LIN28B: variants seen among roughly 807,000 people sequenced by gnomAD.
LIN28B encodes protein lin-28 homolog B.
Under a neutral mutation model 21.9 loss-of-function variants are expected in LIN28B, and 5 were observed. The observed-to-expected ratio is 0.23, with a 90% CI of 0.12 to 0.48. The LOEUF is 0.48. Ranked by LOEUF, LIN28B falls within the 20% of genes least tolerant of loss-of-function variation. The pLI is 0.98. For missense variants in LIN28B, 245 were observed against 310.5 expected (o/e 0.79, Z 1.58); for synonymous variants, 109 against 111.3 (o/e 0.98, Z 0.13).
chr6:104,961,440 A>T (rs1325517445), intron 2 of LIN28B, among the ~76,000 whole-genome samples: 1 of 151,942 alleles, frequency 6.6e-6, no homozygotes, highest in East Asian at 1.9e-4. Context: ...TCACACTGTC[A>T]CCCGGGCTGG....
At chr6:104,989,576 G>GTT (rs34394074) in intron 2 of LIN28B, among the ~76,000 whole-genome samples, 3,268 of 59,894 alleles carry the variant, frequency 0.055, 66 homozygotes, top group East Asian at 0.12. Flanking sequence ...TTTTACTTGG[G>GTT]TTTTTTTTTT....
chr6:105,003,259 G>A (rs1205926280), intron 2 of LIN28B, among the ~76,000 whole-genome samples: 1 of 152,206 alleles, frequency 6.6e-6, no homozygotes, highest in African/African-American at 2.4e-5. Flanking sequence ...TAGAGGCCCA[G>A]ATACCAACGG....
chr6:104,939,184 C>G (rs1231255980), intron 2 of LIN28B: 1 of 152,136 alleles, frequency 6.6e-6, no homozygotes, highest in African/African-American at 2.4e-5. Context: ...TTTTTCATTT[C>G]TAGTAATCAA....
chr6:104,965,810 A>G (rs952988521), intron 2 of LIN28B, among the ~76,000 whole-genome samples: 1 of 152,248 alleles, frequency 6.6e-6, no homozygotes, highest in Non-Finnish European at 1.5e-5. Flanking sequence ...TTACCTGTGT[A>G]CATATGCATG....
intron 2 of LIN28B, among the ~76,000 whole-genome samples, chr6:105,006,460 C>T (rs1057132274): frequency 7.2e-5 from 11 of 152,162 alleles, no homozygotes; most frequent in African/African-American, 1.2e-4. Flanking sequence ...TACAGGCACC[C>T]GCCACCACGC....
At chr6:104,987,795 A>C (rs1328830191) in intron 2 of LIN28B, among the ~76,000 whole-genome samples, 1 of 151,944 alleles carries the variant, frequency 6.6e-6, no homozygotes, top group Non-Finnish European at 1.5e-5. Context: ...CCCAGGGTGG[A>C]GTGCAATGGT....
intron 2 of LIN28B, among the ~76,000 whole-genome samples, chr6:104,983,149 T>A (rs1202237309): frequency 2.6e-5 from 4 of 152,310 alleles, no homozygotes; most frequent in African/African-American, 9.6e-5. Flanking sequence ...ACATAAATAA[T>A]ATTCAAGGCA....
At chr6:105,022,202 G>A (rs1004883646) in intron 2 of LIN28B, among the ~76,000 whole-genome samples, 5 of 152,132 alleles carry the variant, frequency 3.3e-5, no homozygotes, top group Non-Finnish European at 5.9e-5. Flanking sequence ...CAGTTGTGAT[G>A]CTGAGATGCC....
At chr6:104,962,465 A>G (rs768413342) in intron 2 of LIN28B, among the ~76,000 whole-genome samples, 12 of 152,030 alleles carry the variant, frequency 7.9e-5, no homozygotes, top group Non-Finnish European at 1.8e-4. Context: ...GGCTTTATAT[A>G]TTTTATGTTC....
intron 2 of LIN28B, among the ~76,000 whole-genome samples, chr6:104,945,692 T>A (rs1397710291): frequency 6.6e-6 from 1 of 152,114 alleles, no homozygotes; most frequent in Non-Finnish European, 1.5e-5. Context: ...GGCTGTGAGC[T>A]CGATTACATA....
intron 2 of LIN28B, among the ~76,000 whole-genome samples, chr6:105,019,852 A>T (rs1771100156): frequency 1.3e-5 from 2 of 152,118 alleles, no homozygotes; most frequent in African/African-American, 4.8e-5. Flanking sequence ...GAGTAACGTG[A>T]AGCACCTCAC....
chr6:105,002,808 T>A lies in LIN28B; in HGVS notation c.199-23490T>A, dbSNP rs563332637. On this transcript the variant is annotated intron_variant, in intron 2 of 3. Transcript: ENST00000345080. ...GACAGTATATTACAGTGAGAATAGA[T>A]TTGCAAGTTAGCTGACTTTAGTAGA... 3.3e-5 allele frequency among the ~76,000 whole-genome samples: 5 copies of A among 152,322 alleles called. No individual in the cohort carries two copies. The South Asian group carries it at 1.0e-3, about 32-fold the overall frequency.
At chr6:104,941,622 A>G (rs542778937) in intron 2 of LIN28B, among the ~76,000 whole-genome samples, 244 of 152,052 alleles carry the variant, frequency 1.6e-3, no homozygotes, top group African/African-American at 5.5e-3. Context: ...CGCAAGCCGA[A>G]CTGCTTTGTA....
At chr6:105,007,825 TAG>T (rs1478077866) in intron 2 of LIN28B, among the ~76,000 whole-genome samples, 1 of 151,826 alleles carries the variant, frequency 6.6e-6, no homozygotes, top group Admixed American at 6.6e-5. Context: ...TTAAAAAAAG[TAG>T]AGAGAAGGGT....
chr6:105,018,130 T>C (rs1771066667), intron 2 of LIN28B, among the ~76,000 whole-genome samples: 1 of 151,290 alleles, frequency 6.6e-6, no homozygotes, highest in Non-Finnish European at 1.5e-5. Flanking sequence ...TACAAAAAAA[T>C]TTTAAAAGTA....
intron 2 of LIN28B, among the ~76,000 whole-genome samples, chr6:104,966,873 G>A (rs1455223251): frequency 6.6e-6 from 1 of 151,938 alleles, no homozygotes; most frequent in Non-Finnish European, 1.5e-5. Context: ...CGCCCACTTC[G>A]GCCTCCCAAA....
At chr6:104,981,551 A>C (rs1159807359) in intron 2 of LIN28B, among the ~76,000 whole-genome samples, 1 of 152,218 alleles carries the variant, frequency 6.6e-6, no homozygotes, top group African/African-American at 2.4e-5. Flanking sequence ...TTTGTACTGG[A>C]GAGTAAAGAG....
At chr6:105,002,673 T>C (rs1770742653) in intron 2 of LIN28B, among the ~76,000 whole-genome samples, 1 of 152,344 alleles carries the variant, frequency 6.6e-6, no homozygotes, top group Non-Finnish European at 1.5e-5. Flanking sequence ...TTAGAGCATA[T>C]ATCTTTTGAA....
intron 2 of LIN28B, among the ~76,000 whole-genome samples, chr6:105,006,630 C>T (rs367842338): frequency 6.6e-6 from 1 of 152,088 alleles, no homozygotes; most frequent in African/African-American, 2.4e-5. Context: ...GTTTTGGTAA[C>T]ATATGACCCC....
Sources: gnomAD v4.1 joint callset for allele counts (sites outside exome capture counted in the v4.1 genomes callset) on GRCh38, gnomAD v4.1.1 for gene constraint, MANE v1.5 for transcripts, NCBI Gene and HGNC (gene_info 2026-07-23, HGNC 2026-07-21) for gene names.